STAU1: variants seen among roughly 807,000 people sequenced by gnomAD.
The protein encoded by STAU1 is staufen double-stranded RNA binding protein 1.
STAU1 carries 13 observed loss-of-function variants against 62.9 expected under a neutral mutation model. The ratio of observed to expected loss-of-function variants is 0.21; its 90% CI spans 0.13 to 0.33. STAU1 has a LOEUF of 0.33. Among genes scored for constraint, STAU1 ranks in the 10% least tolerant of loss-of-function variants. The pLI, the probability that STAU1 is intolerant of heterozygous loss-of-function variation, is 1.00. For synonymous variants in STAU1, 269 were observed against 265.1 expected, an observed-to-expected ratio of 1.01 and a Z score of -0.14; for missense variants, 571 against 712.1, an observed-to-expected ratio of 0.80 and a Z score of 2.25.
chr20:49,206,753 T>A, the STAU1 span, among the ~76,000 whole-genome samples: 25 of 92,858 alleles, frequency 2.7e-4, no homozygotes, highest in East Asian at 3.4e-3. Context: ...ATATATATAT[T>A]TTATTTTATT....
At chr20:49,136,793 G>A (rs182387708) in intron 5 of STAU1, among the ~76,000 whole-genome samples, 1 of 152,186 alleles carries the variant, frequency 6.6e-6, no homozygotes, top group Admixed American at 6.5e-5. Flanking sequence ...CACCTCCCAG[G>A]TTCAAGCGAT....
At chr20:49,181,774 A>G (rs1452115246) in intron 1 of STAU1, among the ~76,000 whole-genome samples, 1 of 146,358 alleles carries the variant, frequency 6.8e-6, no homozygotes, top group East Asian at 2.0e-4. Flanking sequence ...AACAAAAAAA[A>G]AAAAAAAAAA....
At chr20:49,149,923 C>T (rs143362028) in intron 5 of STAU1, among the ~76,000 whole-genome samples, 180 of 152,324 alleles carry the variant, frequency 1.2e-3, no homozygotes, top group African/African-American at 4.2e-3. Flanking sequence ...ATCACATAGC[C>T]CACTGTTCTG....
intron 7 of STAU1, 135 bp from the exon 8 acceptor site, chr20:49,123,370 T>C (rs2092513868): frequency 2.9e-6 from 3 of 1,017,868 alleles, no homozygotes; most frequent in African/African-American, 3.3e-5. Context: ...TTTTTTAATT[T>C]AACATTTTAA....
At chr20:49,135,264 C>T (rs1044275577) in intron 6 of STAU1, among the ~76,000 whole-genome samples, 2 of 152,190 alleles carry the variant, frequency 1.3e-5, no homozygotes, top group Non-Finnish European at 2.9e-5. Context: ...TCTCCCTTAC[C>T]TCCCTCGTCC....
chr20:49,210,222 A>G, the STAU1 span, among the ~76,000 whole-genome samples: 2 of 152,034 alleles, frequency 1.3e-5, no homozygotes, highest in East Asian at 3.9e-4. Context: ...GAATTCCATG[A>G]GTTCCTTTTG....
intron 5 of STAU1, among the ~76,000 whole-genome samples, chr20:49,147,685 T>C (rs2093157217): frequency 6.6e-6 from 1 of 152,180 alleles, no homozygotes; most frequent in South Asian, 2.1e-4. Flanking sequence ...AGAGGGAAAA[T>C]GCAAACAACC....
the STAU1 span, among the ~76,000 whole-genome samples, chr20:49,214,870 G>C: frequency 4.6e-5 from 7 of 152,284 alleles, no homozygotes; most frequent in South Asian, 8.3e-4. Context: ...ATGAATTTGT[G>C]GGGGACACAA....
At chr20:49,135,069 A>C (rs546935898) in intron 6 of STAU1, 1 of 1,178,074 alleles carries the variant, frequency 8.5e-7, no homozygotes, top group East Asian at 2.3e-5. Context: ...TTTTCCAGCA[A>C]GATGTACACA....
chr20:49,133,012 T>C (rs2092785288), intron 6 of STAU1, among the ~76,000 whole-genome samples: 1 of 152,028 alleles, frequency 6.6e-6, no homozygotes, highest in East Asian at 1.9e-4. Context: ...TAGTAAAAAA[T>C]TCCTGATATT....
chr20:49,141,461 T>C (rs1373796736), intron 5 of STAU1, among the ~76,000 whole-genome samples: 1 of 152,118 alleles, frequency 6.6e-6, no homozygotes, highest in East Asian at 1.9e-4. Flanking sequence ...TGCAGTGGAG[T>C]GTGCCTATAG....
At chr20:49,160,792 C>A (rs2093435980) in intron 3 of STAU1, among the ~76,000 whole-genome samples, 1 of 152,118 alleles carries the variant, frequency 6.6e-6, no homozygotes, top group Admixed American at 6.6e-5. Context: ...ATTAGCCAGG[C>A]AATTGCATCT....
chr20:49,217,589 C>T, the STAU1 span, among the ~76,000 whole-genome samples: 4 of 151,146 alleles, frequency 2.6e-5, no homozygotes, highest in South Asian at 4.2e-4. Context: ...AGGAAGTTAC[C>T]CAAGACCACA....
At chr20:49,209,548 A>T in the STAU1 span, among the ~76,000 whole-genome samples, 1 of 151,956 alleles carries the variant, frequency 6.6e-6, no homozygotes, top group African/African-American at 2.4e-5. Context: ...GTTCAAGACC[A>T]GCCTGACCAA....
chr20:49,164,528 C>A (rs1179507565), intron 3 of STAU1, among the ~76,000 whole-genome samples: 1 of 151,634 alleles, frequency 6.6e-6, no homozygotes, highest in African/African-American at 2.4e-5. Flanking sequence ...TGGGCTCAAG[C>A]AATCTCCCCA....
chr20:49,155,299 A>C (rs1202518972), intron 3 of STAU1, among the ~76,000 whole-genome samples: 1 of 152,234 alleles, frequency 6.6e-6, no homozygotes, highest in Non-Finnish European at 1.5e-5. Context: ...ACCTGTGGTC[A>C]TACTTGCTAC....
Position 49,117,189 on chromosome 20 carries a change from G to A in STAU1, c.1569C>T (p.Cys523=). Residue 523 remains cysteine, a synonymous_variant, in exon 12 of 14, where the codon TGC becomes TGT. Transcript: ENST00000371856. This position sits in a 1 kb window ranked among gnomAD's most constrained non-coding sequence, Gnocchi z 4.6. ...NKNEFVSLIN[C]SSQPPLISHG... ...GGCTGATCAGAGGTGGCTGAGAGGA[G>A]CAATTGATAAGAGATACAAATTCGT... 6.2e-7 allele frequency: 1 copy of A among 1,614,164 alleles called. No individual in the cohort carries two copies. Among genetic ancestry groups the A allele is most frequent in the Non-Finnish European group, 8.5e-7 (1 of 1,180,026 alleles).
the STAU1 span, among the ~76,000 whole-genome samples, chr20:49,217,668 C>A: frequency 8.6e-6 from 1 of 116,864 alleles, no homozygotes; most frequent in South Asian, 3.4e-4. Flanking sequence ...TTTTTTTTTT[C>A]CTTTTAAAAT....
At chr20:49,200,433 C>A in the STAU1 span, among the ~76,000 whole-genome samples, 1 of 152,018 alleles carries the variant, frequency 6.6e-6, no homozygotes, top group Non-Finnish European at 1.5e-5. Flanking sequence ...ACCGTCTCTA[C>A]TAAAAATACA....
Sources: gnomAD v4.1 joint callset for allele counts (sites outside exome capture counted in the v4.1 genomes callset) on GRCh38, gnomAD v4.1.1 for gene constraint, Gnocchi (gnomAD v3.1) non-coding constraint, MANE v1.5 for transcripts, NCBI Gene and HGNC (gene_info 2026-07-23, HGNC 2026-07-21) for gene names.